TRAT1: variants seen among roughly 807,000 people sequenced by gnomAD.
TRAT1 encodes the protein T cell receptor associated transmembrane adaptor 1, also known as T-cell receptor-associated transmembrane adapter 1.
A neutral mutation model predicts 20.0 loss-of-function variants in TRAT1; 20 were observed. That is an observed-to-expected ratio of 1.00 (90% CI 0.70 to 1.45). TRAT1 has a LOEUF of 1.45. TRAT1 is among the 40% of genes most tolerant of loss of function. The pLI is 0.00. For synonymous variants in TRAT1, 77 were observed against 74.2 expected (o/e 1.04, Z -0.20); for missense variants, 237 against 224.1 (o/e 1.06, Z -0.37).
chr3:108,853,562 C>T, intron 5 of TRAT1, 58 bp from the exon 6 acceptor site: 3 of 1,549,008 alleles, frequency 1.9e-6, no homozygotes, highest in Non-Finnish European at 2.6e-6. Flanking sequence ...ACAGAAATTT[C>T]CAGAAGTCAA....
chr3:108,851,893 A>G (rs1260987609), intron 5 of TRAT1, among the ~76,000 whole-genome samples: 1 of 152,010 alleles, frequency 6.6e-6, no homozygotes, highest in Non-Finnish European at 1.5e-5. Flanking sequence ...TTGACCACAC[A>G]TGCATTATTT....
intron 2 of TRAT1, among the ~76,000 whole-genome samples, chr3:108,833,799 T>TACACAC (rs3054303): frequency 0.028 from 4,042 of 146,702 alleles, 130 homozygotes; most frequent in African/African-American, 0.078. Context: ...TTGTAAGAAT[T>TACACAC]ACACACACAC....
chr3:108,827,409 T>C (rs1410630659), intron 1 of TRAT1, among the ~76,000 whole-genome samples: 3 of 151,826 alleles, frequency 2.0e-5, no homozygotes, highest in East Asian at 3.9e-4. Flanking sequence ...TGTGTGTGTG[T>C]GTGTGTGTGT....
At chr3:108,836,076 T>C (rs572858055) in intron 2 of TRAT1, among the ~76,000 whole-genome samples, 23 of 152,116 alleles carry the variant, frequency 1.5e-4, no homozygotes, top group South Asian at 8.3e-4. Context: ...CATGCCACCA[T>C]GCCCAGCTAA....
chr3:108,841,997 A>G (rs964554489), intron 3 of TRAT1, among the ~76,000 whole-genome samples: 2 of 152,186 alleles, frequency 1.3e-5, no homozygotes, highest in African/African-American at 4.8e-5. Context: ...ATAATATAAT[A>G]CTTTATTTAC....
intron 5 of TRAT1, among the ~76,000 whole-genome samples, chr3:108,850,211 T>C (rs886817853): frequency 2.6e-5 from 4 of 152,182 alleles, no homozygotes; most frequent in African/African-American, 7.2e-5. Context: ...GAACATTCTC[T>C]TCCCTAAAAT....
Position 108,853,677 on chromosome 3 carries a change from C to G in TRAT1, c.361C>G (p.Arg121Gly). Residue 121 changes from arginine (R) to glycine (G), a missense_variant, in exon 6 of 6, where the codon CGT becomes GGT. Physicochemically the swap from Arg to Gly is moderately radical, Grantham distance 125. Transcript: ENST00000295756. ...ASLDHSVKGK[R>G]RKPRKQNTHF... ...ACTTGATCACAGCGTTAAGGGGAAG[C>G]GTAGAAAGCCCAGGAAACAGAATAC... The G allele has an allele frequency of 6.2e-7, 1 of 1,614,072 alleles. No individual in the cohort carries two copies. The highest frequency in any genetic ancestry group is 1.7e-5 in the Admixed American group (1 of 60,000).
At chr3:108,844,843 C>CAAAAAAAAAAAAAAAAAAAAAAAAAA (rs71103495) in intron 3 of TRAT1, among the ~76,000 whole-genome samples, 1 of 47,842 alleles carries the variant, frequency 2.1e-5, no homozygotes, top group African/African-American at 8.5e-5. Context: ...GACTCTGTCT[C>CAAAAAAAAAAAAAAAAAAAAAAAAAA]AAAAAAAAAA....
intron 2 of TRAT1, 99 bp from the exon 3 acceptor site, chr3:108,838,835 T>C (rs953352256): frequency 4.4e-5 from 40 of 911,326 alleles, no homozygotes; most frequent in Non-Finnish European, 7.1e-5. Context: ...AATATATTAA[T>C]TGACATTGAG....
chr3:108,833,496 C>A (rs1363805137), intron 2 of TRAT1, among the ~76,000 whole-genome samples: 1 of 152,036 alleles, frequency 6.6e-6, no homozygotes, highest in Admixed American at 6.6e-5. Flanking sequence ...ATTGTGCAAA[C>A]CCTTACTGCC....
intron 3 of TRAT1, among the ~76,000 whole-genome samples, chr3:108,844,843 C>CAAAAAAAAAAAA (rs71103495): frequency 2.1e-4 from 10 of 47,830 alleles, no homozygotes; most frequent in African/African-American, 8.6e-4. Flanking sequence ...GACTCTGTCT[C>CAAAAAAAAAAAA]AAAAAAAAAA....
intron 1 of TRAT1, among the ~76,000 whole-genome samples, chr3:108,829,577 C>T (rs889537266): frequency 4.8e-5 from 2 of 41,520 alleles, no homozygotes; most frequent in Non-Finnish European, 1.1e-4. Context: ...GAGCAAGACT[C>T]CATCTCAAAA....
At chr3:108,849,077 C>G in intron 4 of TRAT1, 89 bp from the exon 5 acceptor site, 1 of 1,139,206 alleles carries the variant, frequency 8.8e-7, no homozygotes, top group Non-Finnish European at 1.3e-6. Context: ...TTTATATTTG[C>G]AGCCAAATGT....
intron 1 of TRAT1, among the ~76,000 whole-genome samples, chr3:108,825,210 TA>T (rs1459955884): frequency 3.2e-4 from 48 of 152,294 alleles, no homozygotes; most frequent in African/African-American, 1.1e-3. Flanking sequence ...TAAGTAAAAC[TA>T]CGTATGAAAA....
At chr3:108,837,126 A>G (rs1199876273) in intron 2 of TRAT1, among the ~76,000 whole-genome samples, 2 of 152,188 alleles carry the variant, frequency 1.3e-5, no homozygotes, top group African/African-American at 4.8e-5. Context: ...GCTACTATGC[A>G]ATATGTTTTA....
chr3:108,829,206 G>A (rs1406499098), intron 1 of TRAT1, among the ~76,000 whole-genome samples: 1 of 152,114 alleles, frequency 6.6e-6, no homozygotes, highest in Non-Finnish European at 1.5e-5. Flanking sequence ...TGTAAAATGA[G>A]TTTGTAGGGA....
Position 108,854,800 on chromosome 3 carries a change from T to C in TRAT1, c.*923T>C, listed in dbSNP as rs2593825. ...AATTTTAATGACTTTTCAAAAACAA[T>C]TTATTGATGCAAAAAGCAAGGTTGA... On this transcript the variant is annotated 3_prime_UTR_variant, in exon 6 of 6. Transcript: ENST00000295756. 6.6e-6 allele frequency: 1 copy of C among 152,124 alleles called. No homozygotes were observed. Among genetic ancestry groups the C allele is most frequent in the African/African-American group, 2.4e-5 (1 of 41,424 alleles). The allele number at this position is 152,124 out of a possible 1,614,324, so 9.4% of individuals were successfully genotyped here.
chr3:108,822,915 G>T lies in TRAT1; in HGVS notation c.-13G>T, dbSNP rs200934950. On this transcript the variant is annotated 5_prime_UTR_variant, in exon 1 of 6. Transcript: ENST00000295756. ...CTTATGGCTAGATAAAGATTTCTCT[G>T]AAAAAAAGAAGCATGTCAGGTAAGT... 141 of 1,607,514 alleles carry T rather than the reference G, an allele frequency of 8.8e-5. 1 individual carries two copies. The African/African-American group carries it at 1.2e-3, about 13-fold the overall frequency.
chr3:108,840,744 C>T (rs1945889328), intron 3 of TRAT1, among the ~76,000 whole-genome samples: 1 of 152,192 alleles, frequency 6.6e-6, no homozygotes, highest in Non-Finnish European at 1.5e-5. Flanking sequence ...TGCACATTTA[C>T]TACTTTCCTG....
Sources: allele counts gnomAD v4.1 joint callset (sites outside exome capture counted in the v4.1 genomes callset), GRCh38; gene constraint gnomAD v4.1.1; transcripts MANE v1.5; gene names NCBI Gene and HGNC (gene_info 2026-07-23, HGNC 2026-07-21).